FANCL: variants seen among roughly 807,000 people sequenced by gnomAD.
The protein encoded by FANCL is FA complementation group L.
A neutral mutation model predicts 59.4 loss-of-function variants in FANCL; 69 were observed. The ratio of observed to expected loss-of-function variants is 1.16; its 90% CI spans 0.96 to 1.42. The LOEUF (loss-of-function observed/expected upper bound fraction) is 1.42. FANCL is among the 40% of genes most tolerant of loss of function. The pLI is 0.00. For missense variants in FANCL, 519 were observed against 447.2 expected (o/e 1.16, Z -1.45); for synonymous variants, 180 against 147.1 (o/e 1.22, Z -1.62).
intron 7 of FANCL, among the ~76,000 whole-genome samples, chr2:58,193,867 C>A (rs1382156191): frequency 6.6e-6 from 1 of 152,102 alleles, no homozygotes; most frequent in Non-Finnish European, 1.5e-5. Context: ...TACATACGAA[C>A]TGAGGCAAAG....
intron 6 of FANCL, among the ~76,000 whole-genome samples, chr2:58,203,740 G>C (rs1257172137): frequency 6.6e-6 from 1 of 151,952 alleles, no homozygotes; most frequent in Non-Finnish European, 1.5e-5. Context: ...ATAAGAATAA[G>C]AACTACAAAA....
chr2:58,165,793 C>A lies in FANCL; in HGVS notation c.622G>T (p.Asp208Tyr), dbSNP rs199564543. Residue 208 changes from aspartate (D) to tyrosine (Y), a missense_variant, in exon 8 of 14, where the codon GAT (aspartate) becomes TAT (tyrosine). Asp to Tyr is a radical substitution (Grantham distance 160, BLOSUM62 -3). Transcript: ENST00000233741. ...KAFWDVMDEI[D>Y]EKTWVLEPEK... The stretch of plus-strand genomic sequence containing the variant: ...GGCTCAAGTACCCAGGTCTTCTCAT[C>A]GATTTCATCCATAACATCCCAGAAT... 2 of 1,614,064 alleles carry A rather than the reference C, an allele frequency of 1.2e-6. No homozygotes were observed. The highest frequency in any genetic ancestry group is 2.2e-5 in the South Asian group (2 of 91,074).
chr2:58,201,968 T>C (rs1690073899), intron 6 of FANCL, among the ~76,000 whole-genome samples: 1 of 151,534 alleles, frequency 6.6e-6, no homozygotes, highest in Non-Finnish European at 1.5e-5. Context: ...ATGTTATTAA[T>C]AAAAAAAATT....
chr2:58,175,416 C>T (rs1201858089), intron 7 of FANCL, among the ~76,000 whole-genome samples: 1 of 150,796 alleles, frequency 6.6e-6, no homozygotes, highest in Non-Finnish European at 1.5e-5. Context: ...TCCAGCAGCA[C>T]ATCAAAAACG....
intron 5 of FANCL, among the ~76,000 whole-genome samples, chr2:58,217,193 TATATATATATATATATATATATACAC>T (rs1282491242): frequency 0.25 from 3,485 of 13,682 alleles, 253 homozygotes; most frequent in Non-Finnish European, 0.28. Context: ...TATATATATA[TATATATATATATATATATATATACAC>T]ACACACACAC....
rs1018591188 is a variant in FANCL, at chr2:58,179,524, C to A, written c.541-13650G>T. Among the ~76,000 whole-genome samples the A allele has an allele frequency of 5.9e-5, 9 of 152,276 alleles. No individual in the cohort carries two copies. In the East Asian group the frequency reaches 1.7e-3, roughly 29 times the overall value. ...TATTAAACGGTGTTGGGAAAACTGG[C>A]TAGCCATATGCAGAAAACTCAAACG... On this transcript the variant is annotated intron_variant, in intron 7 of 13. Coordinates refer to ENST00000233741, the MANE Select transcript of FANCL (RefSeq NM_018062.4).
Position 58,159,792 on chromosome 2 carries a change from G to C in FANCL, c.1101C>G (p.Thr367=), listed in dbSNP as rs1158963823. Residue 367 remains threonine (T), a synonymous_variant, in exon 14 of 14, where the codon ACC becomes ACG. Coordinates refer to ENST00000233741, the MANE Select transcript of FANCL (RefSeq NM_018062.4). ...GECPYCSKPI[T]LKMSGRKH Reference sequence around the variant, plus strand: ...AGTGTTTCCTTCCAGACATTTTTAAGGTAATTGGCTTTAAAAAGAGAACAT... The same window carrying C: ...AGTGTTTCCTTCCAGACATTTTTAACGTAATTGGCTTTAAAAAGAGAACAT... The C allele has an allele frequency of 1.2e-6, 2 of 1,611,912 alleles. No individual in the cohort carries two copies. Among genetic ancestry groups the C allele is most frequent in the Admixed American group, 3.3e-5 (2 of 59,890 alleles).
chr2:58,206,855 C>T (rs182368226), intron 5 of FANCL, among the ~76,000 whole-genome samples: 5 of 152,266 alleles, frequency 3.3e-5, no homozygotes, highest in East Asian at 1.9e-4. Flanking sequence ...TTTACCCATG[C>T]TGCTTCCTGG....
chr2:58,220,123 CG>C, intron 5 of FANCL, among the ~76,000 whole-genome samples: 1 of 152,300 alleles, frequency 6.6e-6, no homozygotes, highest in Non-Finnish European at 1.5e-5. Flanking sequence ...TACATGCAAT[CG>C]CGATTTTAGT....
At chr2:58,171,599 A>G (rs1181612742) in intron 7 of FANCL, among the ~76,000 whole-genome samples, 1 of 152,156 alleles carries the variant, frequency 6.6e-6, no homozygotes, top group African/African-American at 2.4e-5. Flanking sequence ...GGTTTTTTGA[A>G]AAGAGTAACA....
chr2:58,201,063 T>C (rs1372038735), intron 6 of FANCL, among the ~76,000 whole-genome samples: 1 of 149,926 alleles, frequency 6.7e-6, no homozygotes. Flanking sequence ...AAATATAAAC[T>C]AGCATACTAG....
intron 8 of FANCL, 111 bp downstream of exon 8, chr2:58,165,613 A>T: frequency 7.3e-7 from 1 of 1,369,398 alleles, no homozygotes; most frequent in Non-Finnish European, 1.0e-6. Context: ...AGAAAATTTT[A>T]ATAGTTGACT....
chr2:58,241,115 C>A, intron 1 of FANCL, 103 bp downstream of exon 1: 1 of 1,252,936 alleles, frequency 8.0e-7, no homozygotes, highest in Non-Finnish European at 1.1e-6. Flanking sequence ...CCTCTCAATC[C>A]CCACAAGTCT....
intron 7 of FANCL, among the ~76,000 whole-genome samples, chr2:58,195,739 A>C (rs1212141835): frequency 6.6e-6 from 1 of 152,178 alleles, no homozygotes; most frequent in East Asian, 1.9e-4. Context: ...GGACACAATA[A>C]TAACTATAAA....
intron 7 of FANCL, among the ~76,000 whole-genome samples, chr2:58,192,100 T>C (rs1464935983): frequency 1.3e-5 from 2 of 151,806 alleles, no homozygotes; most frequent in Non-Finnish European, 3.0e-5. Context: ...AGCAAGTAAA[T>C]CAGTTAACGT....
chr2:58,187,944 T>C (rs2105016201), intron 7 of FANCL, among the ~76,000 whole-genome samples: 1 of 152,312 alleles, frequency 6.6e-6, no homozygotes, highest in Non-Finnish European at 1.5e-5. Context: ...GACCAATTTA[T>C]CAATTTGTTC....
At chr2:58,188,664 T>C (rs1332040260) in intron 7 of FANCL, among the ~76,000 whole-genome samples, 1 of 151,900 alleles carries the variant, frequency 6.6e-6, no homozygotes, top group Non-Finnish European at 1.5e-5. Context: ...GGTCTCCAAC[T>C]GCTGGGCTCA....
chr2:58,178,437 C>G (rs1019551285), intron 7 of FANCL, among the ~76,000 whole-genome samples: 4 of 152,108 alleles, frequency 2.6e-5, no homozygotes, highest in African/African-American at 9.7e-5. Context: ...ATAAGCAAAT[C>G]AATAAACGTA....
At chr2:58,234,121 CA>C (rs1693812728) in intron 1 of FANCL, among the ~76,000 whole-genome samples, 1 of 151,936 alleles carries the variant, frequency 6.6e-6, no homozygotes, top group South Asian at 2.1e-4. Context: ...TTCATCAATG[CA>C]AAGCTACTAT....
Sources: allele counts gnomAD v4.1 joint callset (sites outside exome capture counted in the v4.1 genomes callset), GRCh38; gene constraint gnomAD v4.1.1; transcripts MANE v1.5; gene names NCBI Gene and HGNC (gene_info 2026-07-23, HGNC 2026-07-21).